The following POR variants were observed in gnomAD, a reference collection of about 807,000 sequenced individuals.
POR encodes the protein NADPH--cytochrome P450 reductase.
POR carries 56 observed loss-of-function variants against 84.0 expected under a neutral mutation model. The observed-to-expected ratio is 0.67, with a 90% CI of 0.54 to 0.83. The LOEUF is 0.83. Among genes scored for constraint, POR ranks in the 40% least tolerant of loss-of-function variants. The pLI is 0.00. For missense variants in POR, 938 were observed against 944.3 expected (o/e 0.99, Z 0.09); for synonymous variants, 414 against 400.5 (o/e 1.03, Z -0.40).
At chr7:75,928,598 C>T (rs1005710952) in intron 1 of POR, among the ~76,000 whole-genome samples, 1 of 152,210 alleles carries the variant, frequency 6.6e-6, no homozygotes, top group Non-Finnish European at 1.5e-5. Flanking sequence ...GAAAAAGCTG[C>T]TTGAACCACT....
chr7:75,919,269 A>AT (rs1806731523), intron 1 of POR, among the ~76,000 whole-genome samples: 4 of 152,258 alleles, frequency 2.6e-5, no homozygotes, highest in African/African-American at 9.6e-5. Context: ...ATTTGTAATC[A>AT]TACTGTTTTA....
intron 1 of POR, among the ~76,000 whole-genome samples, chr7:75,952,881 G>A (rs1787509526): frequency 6.6e-6 from 1 of 151,960 alleles, no homozygotes; most frequent in Admixed American, 6.6e-5. Context: ...CAGACGATGG[G>A]CAGCCAGGCA....
intron 1 of POR, among the ~76,000 whole-genome samples, chr7:75,919,853 TA>T (rs1427243302): frequency 2.6e-5 from 4 of 152,078 alleles, no homozygotes; most frequent in Non-Finnish European, 5.9e-5. Flanking sequence ...GTGACTTGGA[TA>T]GGGGGATATC....
chr7:75,969,204 G>A (rs1554555788), intron 2 of POR, among the ~76,000 whole-genome samples: 2 of 152,200 alleles, frequency 1.3e-5, no homozygotes, highest in African/African-American at 4.8e-5. Context: ...GCCTTCCAGG[G>A]AATGCCCTTT....
At chr7:75,960,954 C>A (rs1787909744) in intron 2 of POR, among the ~76,000 whole-genome samples, 2 of 152,050 alleles carry the variant, frequency 1.3e-5, no homozygotes. Context: ...AGTATCAGGC[C>A]CAGCGTGGTG....
At chr7:75,978,584 C>T (rs1417687463) in intron 3 of POR, among the ~76,000 whole-genome samples, 3 of 152,150 alleles carry the variant, frequency 2.0e-5, no homozygotes, top group East Asian at 1.9e-4. Flanking sequence ...AGTGCAATGG[C>T]GCGATCTCGG....
intron 2 of POR, among the ~76,000 whole-genome samples, chr7:75,954,768 T>A (rs1787611179): frequency 6.7e-6 from 1 of 149,372 alleles, no homozygotes; most frequent in African/African-American, 2.5e-5. Context: ...AGTACAGCGG[T>A]GCGATCTCGG....
intron 1 of POR, among the ~76,000 whole-genome samples, chr7:75,930,820 C>A (rs536280415): frequency 6.7e-6 from 1 of 150,006 alleles, no homozygotes; most frequent in African/African-American, 2.5e-5. Flanking sequence ...CCTTGCCCGG[C>A]CCTTATGTAT....
intron 1 of POR, among the ~76,000 whole-genome samples, chr7:75,933,329 A>T (rs1554550367): frequency 6.6e-6 from 1 of 151,274 alleles, no homozygotes; most frequent in Non-Finnish European, 1.5e-5. Context: ...TCAAGAGTAC[A>T]ACACATTGCT....
chr7:75,972,369 A>C, intron 2 of POR, 44 bp from the exon 3 acceptor site: 1 of 1,573,274 alleles, frequency 6.4e-7, no homozygotes, highest in South Asian at 1.1e-5. Flanking sequence ...CCTGTGTCCC[A>C]TGACACCTGC....
At chr7:75,943,627 C>T (rs1436437318) in intron 1 of POR, among the ~76,000 whole-genome samples, 4 of 152,196 alleles carry the variant, frequency 2.6e-5, no homozygotes, top group African/African-American at 4.8e-5. Context: ...TAGTGGATTC[C>T]ATTTCAGATT....
intron 2 of POR, among the ~76,000 whole-genome samples, chr7:75,970,145 T>C (rs907228991): frequency 6.6e-5 from 10 of 152,106 alleles, no homozygotes; most frequent in African/African-American, 2.2e-4. Context: ...GGAGGGGTGT[T>C]CAGAATCGGC....
chr7:75,961,546 G>C lies in POR; in HGVS notation c.188+7366G>C, dbSNP rs1424140039. Reference sequence around the variant, plus strand: ...CTTATGGAACATTTCAAACACCAGAGTGTAGGGCACAGGAGAGTGGACCCC... The same window carrying C: ...CTTATGGAACATTTCAAACACCAGACTGTAGGGCACAGGAGAGTGGACCCC... On this transcript the variant is annotated intron_variant, in intron 2 of 15. Transcript: ENST00000461988. Among the ~76,000 whole-genome samples, 6 of 152,256 alleles carry C rather than the reference G, an allele frequency of 3.9e-5. 1 individual carries two copies. The East Asian group carries it at 1.2e-3, about 29-fold the overall frequency.
chr7:75,940,725 T>C (rs925671334), intron 1 of POR, among the ~76,000 whole-genome samples: 1 of 151,238 alleles, frequency 6.6e-6, no homozygotes, highest in Admixed American at 6.6e-5. Flanking sequence ...CGGAGCTTGC[T>C]GTCAGCTGAG....
At chr7:75,972,596 G>T in intron 3 of POR, 135 bp downstream of exon 3, 2 of 818,520 alleles carry the variant, frequency 2.4e-6, no homozygotes, top group African/African-American at 1.7e-5. Flanking sequence ...AGCCCGGCTC[G>T]CTTGGGAGTC....
intron 1 of POR, among the ~76,000 whole-genome samples, chr7:75,928,461 T>C (rs573577368): frequency 6.6e-6 from 1 of 152,248 alleles, no homozygotes; most frequent in Non-Finnish European, 1.5e-5. Flanking sequence ...GGTAATGGCC[T>C]GTGAGAGGAA....
chr7:75,982,353 C>T (rs1447625081), intron 8 of POR, 31 bp downstream of exon 8: 23 of 1,551,914 alleles, frequency 1.5e-5, no homozygotes, highest in African/African-American at 2.7e-5. Flanking sequence ...TTGGGGCAGA[C>T]GGCTCTATGG....
chr7:75,983,894 C>A lies in POR; in HGVS notation c.1066+38C>A, dbSNP rs545133270. 9.3e-6 allele frequency: 14 copies of A among 1,506,136 alleles called. No homozygotes were observed. The South Asian group carries it at 1.6e-4, about 17-fold the overall frequency. 93.3% of individuals were successfully genotyped at this position (1,506,136 alleles called of 1,614,324 possible). A position where few individuals can be genotyped will look rare whatever the true frequency, so the allele number is the denominator to read the frequency against. On this transcript the variant is annotated intron_variant, in intron 10 of 15. Coordinates refer to ENST00000461988, the MANE Select transcript of POR (RefSeq NM_000941.3). ...GTCAGGGCGCCCTGCCGGGCTCAGG[C>A]AGCCGCGGGATTGGGCCTGTAGGAA...
chr7:75,916,506 G>A (rs1218537875), intron 1 of POR, among the ~76,000 whole-genome samples: 1 of 152,044 alleles, frequency 6.6e-6, no homozygotes, highest in Non-Finnish European at 1.5e-5. Flanking sequence ...GGCTGTTTTA[G>A]GAGTTCTTAT....
Sources: gnomAD v4.1 joint callset for allele counts (sites outside exome capture counted in the v4.1 genomes callset) on GRCh38, gnomAD v4.1.1 for gene constraint, MANE v1.5 for transcripts, NCBI Gene and HGNC (gene_info 2026-07-23, HGNC 2026-07-21) for gene names.